The following GALNT13 variants were observed in gnomAD, a reference collection of about 807,000 sequenced individuals.
GALNT13 encodes the protein UDP-GalNAc:polypeptide N-acetylgalactosaminyltransferase 13.
In GALNT13, 28 loss-of-function variants were observed where a neutral mutation model predicts 64.2. That is an observed-to-expected ratio of 0.44 (90% CI 0.32 to 0.60). The LOEUF (loss-of-function observed/expected upper bound fraction) is 0.60, where lower values mean the gene tolerates loss of function less well. GALNT13 is among the 20% of genes least tolerant of loss of function. The pLI is 0.05. For missense variants in GALNT13, 577 were observed against 669.8 expected (o/e 0.86, Z 1.53); for synonymous variants, 214 against 224.6 (o/e 0.95, Z 0.42).
At chr2:153,748,637 A>G in the GALNT13 span, among the ~76,000 whole-genome samples, 5 of 151,994 alleles carry the variant, frequency 3.3e-5, no homozygotes, top group African/African-American at 4.8e-5. Flanking sequence ...TTTTTTCTAT[A>G]GAGTTGTTTG....
the GALNT13 span, among the ~76,000 whole-genome samples, chr2:153,163,497 T>G: frequency 6.6e-6 from 1 of 152,294 alleles, no homozygotes; most frequent in African/African-American, 2.4e-5. Flanking sequence ...TTTTAACATC[T>G]GCACTGGTGA....
At chr2:153,361,258 G>A in the GALNT13 span, among the ~76,000 whole-genome samples, 7,867 of 152,114 alleles carry the variant, frequency 0.052, 313 homozygotes, top group Non-Finnish European at 0.076. Context: ...ATGAAGATAA[G>A]AAAGAATCAA....
At chr2:154,109,758 G>T (rs1383142673) in intron 3 of GALNT13, among the ~76,000 whole-genome samples, 1 of 151,826 alleles carries the variant, frequency 6.6e-6, no homozygotes, top group Non-Finnish European at 1.5e-5. Context: ...TCTTTATTCT[G>T]TTAACATATT....
At chr2:153,624,473 T>G in the GALNT13 span, among the ~76,000 whole-genome samples, 7 of 152,194 alleles carry the variant, frequency 4.6e-5, 1 homozygote, top group South Asian at 1.4e-3. Context: ...AGGAGATCAC[T>G]TAATACACCT....
intron 3 of GALNT13, among the ~76,000 whole-genome samples, chr2:153,947,922 A>C (rs1457565352): frequency 4.6e-5 from 7 of 152,134 alleles, no homozygotes; most frequent in Admixed American, 1.3e-4. Flanking sequence ...TCCTAGCACC[A>C]TTTATTGAAT....
the GALNT13 span, among the ~76,000 whole-genome samples, chr2:153,163,741 C>T: frequency 2.0e-5 from 3 of 152,238 alleles, no homozygotes; most frequent in Admixed American, 6.5e-5. Context: ...TCAGGCTGGC[C>T]GGACGCGGAG....
intron 3 of GALNT13, among the ~76,000 whole-genome samples, chr2:153,988,894 G>T (rs183185587): frequency 6.6e-6 from 1 of 151,994 alleles, no homozygotes; most frequent in East Asian, 1.9e-4. Flanking sequence ...TGCCAGAGAT[G>T]GTAGTAAAAA....
At chr2:154,300,419 A>G (rs2105092930) in intron 8 of GALNT13, among the ~76,000 whole-genome samples, 1 of 152,082 alleles carries the variant, frequency 6.6e-6, no homozygotes, top group Admixed American at 6.6e-5. Flanking sequence ...GGCCAGAAAG[A>G]TATTTTTCTT....
chr2:153,782,475 A>T, the GALNT13 span, among the ~76,000 whole-genome samples: 1 of 152,188 alleles, frequency 6.6e-6, no homozygotes, highest in Non-Finnish European at 1.5e-5. Context: ...AAACATAAAA[A>T]GGATACCATA....
intron 11 of GALNT13, among the ~76,000 whole-genome samples, chr2:154,415,581 T>C (rs1039377985): frequency 1.4e-5 from 2 of 147,018 alleles, no homozygotes; most frequent in Non-Finnish European, 3.0e-5. Context: ...AAAGAAGAGA[T>C]CATTAGGTAT....
chr2:153,360,066 C>A, the GALNT13 span, among the ~76,000 whole-genome samples: 1 of 152,112 alleles, frequency 6.6e-6, no homozygotes, highest in African/African-American at 2.4e-5. Flanking sequence ...AAACAGTGGG[C>A]GAATCCTGCA....
intron 4 of GALNT13, among the ~76,000 whole-genome samples, chr2:154,150,443 T>C (rs891967828): frequency 1.3e-5 from 2 of 152,286 alleles, no homozygotes; most frequent in Non-Finnish European, 1.5e-5. Context: ...GCTGGCCTCA[T>C]AAAATGAGTT....
At chr2:154,153,379 G>A (rs551373707) in intron 4 of GALNT13, among the ~76,000 whole-genome samples, 2 of 152,282 alleles carry the variant, frequency 1.3e-5, no homozygotes, top group Non-Finnish European at 2.9e-5. Context: ...GGGGTCAGGG[G>A]TCAGGGACCC....
chr2:154,170,240 G>A (rs772501153), intron 4 of GALNT13, among the ~76,000 whole-genome samples: 5 of 152,016 alleles, frequency 3.3e-5, no homozygotes, highest in South Asian at 4.2e-4. Flanking sequence ...GGATGAGGGC[G>A]GATCTTCCTT....
At chr2:154,225,171 TA>T (rs34150838) in intron 4 of GALNT13, among the ~76,000 whole-genome samples, 1 of 144,814 alleles carries the variant, frequency 6.9e-6, no homozygotes, top group East Asian at 2.0e-4. Context: ...GATAGATAGA[TA>T]GATAGATAGA....
the GALNT13 span, among the ~76,000 whole-genome samples, chr2:153,732,353 G>T: frequency 6.6e-6 from 1 of 151,940 alleles, no homozygotes; most frequent in African/African-American, 2.4e-5. Flanking sequence ...TCGTGAGCAT[G>T]TGAGTGTAGA....
the GALNT13 span, among the ~76,000 whole-genome samples, chr2:153,259,801 C>T: frequency 6.6e-6 from 1 of 152,148 alleles, no homozygotes; most frequent in Non-Finnish European, 1.5e-5. Context: ...TTCTTCATAG[C>T]AGTATGAAAA....
At chr2:153,297,304 C>A in the GALNT13 span, among the ~76,000 whole-genome samples, 2 of 152,030 alleles carry the variant, frequency 1.3e-5, no homozygotes, top group Admixed American at 6.6e-5. Flanking sequence ...GAATAACAAA[C>A]CTTTAAATGT....
At chr2:154,331,918 C>T (rs767230872) in intron 9 of GALNT13, among the ~76,000 whole-genome samples, 3 of 152,056 alleles carry the variant, frequency 2.0e-5, no homozygotes, top group Non-Finnish European at 4.4e-5. Context: ...AAGCAAATGC[C>T]CAAGGCAGTC....
Sources: gnomAD v4.1 joint callset for allele counts (sites outside exome capture counted in the v4.1 genomes callset) on GRCh38, gnomAD v4.1.1 for gene constraint, MANE v1.5 for transcripts, NCBI Gene and HGNC (gene_info 2026-07-23, HGNC 2026-07-21) for gene names.